Variants in RYR1 observed in about 807,000 individuals in gnomAD.
RYR1 encodes the protein ryanodine receptor 1, also known as central core disease of muscle.
RYR1 carries 342 observed loss-of-function variants against 583.5 expected under a neutral mutation model. The observed-to-expected ratio is 0.59, with a 90% CI of 0.54 to 0.64. The LOEUF (loss-of-function observed/expected upper bound fraction) is 0.64, where lower values mean the gene tolerates loss of function less well. Ranked by LOEUF, RYR1 falls within the 30% of genes least tolerant of loss-of-function variation. The pLI is 0.00. For synonymous variants in RYR1, 2,791 were observed against 2,822.5 expected (o/e 0.99, Z 0.35); for missense variants, 6,032 against 6,917.2 (o/e 0.87, Z 4.54).
At position 38,463,863 on chromosome 19, in the gene RYR1, G is replaced by A; in HGVS notation, c.2786+13G>A. 1 of 1,608,350 alleles carries A rather than the reference G, an allele frequency of 6.2e-7. No individual in the cohort carries two copies. The highest frequency in any genetic ancestry group is 1.7e-4 in the Middle Eastern group (1 of 6,034). On this transcript the variant is annotated intron_variant, in intron 22 of 105. Transcript: ENST00000359596. Reference sequence around the variant, plus strand: ...GGGAGACGCTCAAGTGAGGGCCCAGGGGAGCCGGGGGTTGGGGCTGGCTGC... The same window carrying A: ...GGGAGACGCTCAAGTGAGGGCCCAGAGGAGCCGGGGGTTGGGGCTGGCTGC...
At chr19:38,539,698 A>G (rs925007004) in intron 84 of RYR1, among the ~76,000 whole-genome samples, 3 of 152,180 alleles carry the variant, frequency 2.0e-5, no homozygotes, top group Non-Finnish European at 4.4e-5. Flanking sequence ...CCTCGCCTAA[A>G]TTCATGACCT....
intron 89 of RYR1, among the ~76,000 whole-genome samples, chr19:38,551,044 T>C (rs1237776378): frequency 2.4e-5 from 2 of 84,502 alleles, no homozygotes; most frequent in African/African-American, 1.4e-4. Context: ...TTTTTTTTTT[T>C]TTTTTTTTTT....
intron 56 of RYR1, 136 bp downstream of exon 56, chr19:38,506,682 A>G (rs1276067420): frequency 6.7e-6 from 10 of 1,482,926 alleles, no homozygotes; most frequent in Non-Finnish European, 9.3e-6. Context: ...CCATGGGGTA[A>G]TGAGATGAGC....
chr19:38,585,710 TCACCTCAGATGATCCGCC>T (rs1377116641), intron 102 of RYR1, among the ~76,000 whole-genome samples: 15 of 152,004 alleles, frequency 9.9e-5, no homozygotes, highest in Admixed American at 9.9e-4. Flanking sequence ...CTTGAACTCC[TCACCTCAGATGATCCGCC>T]CACCTCAGCC....
intron 78 of RYR1, 40 bp downstream of exon 78, chr19:38,532,776 G>C: frequency 6.3e-7 from 1 of 1,589,922 alleles, no homozygotes; most frequent in South Asian, 1.1e-5. Flanking sequence ...AGGGATGGGG[G>C]ACCCTGACTG....
intron 38 of RYR1, among the ~76,000 whole-genome samples, chr19:38,493,463 G>A (rs887345926): frequency 2.6e-5 from 4 of 152,042 alleles, no homozygotes; most frequent in African/African-American, 9.7e-5. Flanking sequence ...ACAGCCGAGG[G>A]GGGAAAGTCA....
chr19:38,570,742 G>A, intron 94 of RYR1, 49 bp downstream of exon 94: 1 of 1,443,900 alleles, frequency 6.9e-7, no homozygotes, highest in Non-Finnish European at 9.7e-7. Flanking sequence ...CCATGCTGTG[G>A]GATGGGAGGC....
intron 28 of RYR1, 120 bp from the exon 29 acceptor site, chr19:38,475,198 G>A: frequency 7.3e-7 from 1 of 1,371,480 alleles, no homozygotes; most frequent in Non-Finnish European, 1.0e-6. Flanking sequence ...GCCCTCTAGA[G>A]GCAAGACCTG....
chr19:38,528,391 G>C lies in RYR1; in HGVS notation c.10910G>C (p.Arg3637Pro), dbSNP rs747528384. The C allele has an allele frequency of 6.2e-7, 1 of 1,614,142 alleles. No individual in the cohort carries two copies. The highest frequency in any genetic ancestry group is 8.5e-7 in the Non-Finnish European group (1 of 1,180,026). ...QRRRAVVACFRMTPLYNLPTH... is the reference protein window; with the variant it reads ...QRRRAVVACFPMTPLYNLPTH... The stretch of plus-strand genomic sequence containing the variant: ...CGGCGGGCAGTCGTGGCCTGTTTCC[G>C]TATGACGCCCCTGTACAACCTGCCC... Residue 3637 changes from arginine (R) to proline (P), a missense_variant, in exon 74 of 106, where the codon CGT becomes CCT. Coordinates refer to ENST00000359596, the MANE Select transcript of RYR1 (RefSeq NM_000540.3).
chr19:38,496,272 C>A lies in RYR1; in HGVS notation c.6606C>A (p.Gly2202=), dbSNP rs1282858078. The A allele has an allele frequency of 2.5e-6, 4 of 1,613,988 alleles. No individual in the cohort carries two copies. In the Admixed American group the frequency reaches 6.7e-5, roughly 27 times the overall value. Residue 2202 remains glycine (G), a synonymous_variant, in exon 40 of 106, where the codon GGC becomes GGA. Transcript: ENST00000359596. The surrounding 1 kb of genome is among the most constrained non-coding windows in gnomAD (Gnocchi z 4.8). ...ACCCGAACCTGATGAGGGCGCTGGG[C>A]ATGCACGAGACGGTCATGGAGGTCA... The part of the protein sequence containing the change: ...YQHPNLMRAL[G]MHETVMEVMV...
chr19:38,494,741 T>C lies in RYR1; in HGVS notation c.6548+116T>C. ...GCCCATCCTCTGGGTGATCTCAGTC[T>C]CTCGATGGCTAGCTCACCTCCTGGG... On this transcript the variant is annotated intron_variant, in intron 39 of 105. Transcript: ENST00000359596. 6 of 1,310,590 alleles carry C rather than the reference T, an allele frequency of 4.6e-6. No individual in the cohort carries two copies. In the South Asian group the frequency reaches 6.1e-5, roughly 13 times the overall value. The allele number at this position is 1,310,590 out of a possible 1,614,324, so 81.2% of individuals were successfully genotyped here. A position where few individuals can be genotyped will look rare whatever the true frequency, so the allele number is the denominator to read the frequency against.
At chr19:38,473,225 C>A in intron 27 of RYR1, 152 bp from the exon 28 acceptor site, 1 of 984,770 alleles carries the variant, frequency 1.0e-6, no homozygotes, top group Non-Finnish European at 1.6e-6. Flanking sequence ...CGGCCGGGAG[C>A]TTCATCCCCC....
chr19:38,561,298 C>T lies in RYR1; in HGVS notation c.12468C>T (p.Asp4156=), dbSNP rs751313724. 6 of 1,613,918 alleles carry T rather than the reference C, an allele frequency of 3.7e-6. No homozygotes were observed. In the South Asian group the frequency reaches 5.5e-5, roughly 15 times the overall value. The part of the protein sequence containing the change: ...LTNLSEHVPH[D]PRLHNFLELA... ...ACCTGTCGGAGCATGTGCCGCATGA[C>T]CCTCGCCTGCACAACTTCCTGGAGC... The change falls in exon 90 of 106, where the codon GAC becomes GAT. Residue 4156 remains aspartate, a synonymous_variant. Transcript: ENST00000359596. This position sits in a 1 kb window ranked among gnomAD's most constrained non-coding sequence, Gnocchi z 4.8.
Position 38,444,005 on chromosome 19 carries a change from G to A in RYR1, c.425-144G>A. Reference sequence around the variant, plus strand: ...CAGAGAGTCTGAAGTCAGGAACGGGGAACTGTTAGGCAGAGAGTTGGTGGC... The same window carrying A: ...CAGAGAGTCTGAAGTCAGGAACGGGAAACTGTTAGGCAGAGAGTTGGTGGC... On this transcript the variant is annotated intron_variant, in intron 5 of 105. Coordinates refer to ENST00000359596, the MANE Select transcript of RYR1 (RefSeq NM_000540.3). The surrounding 1 kb of genome is among the most constrained non-coding windows in gnomAD (Gnocchi z 5.1). The A allele has an allele frequency of 3.6e-6, 3 of 828,428 alleles. No homozygotes were observed. The South Asian group carries it at 4.2e-5, about 12-fold the overall frequency. 51.3% of individuals were successfully genotyped at this position (828,428 alleles called of 1,614,324 possible). A position where few individuals can be genotyped will look rare whatever the true frequency, so the allele number is the denominator to read the frequency against.
chr19:38,443,412 G>A (rs751398207), intron 3 of RYR1, 146 bp from the exon 4 acceptor site: 65 of 704,048 alleles, frequency 9.2e-5, no homozygotes, highest in Middle Eastern at 7.4e-4. Flanking sequence ...AGTCCTGCAG[G>A]AGTCTGAGCT....
chr19:38,586,344 C>T lies in RYR1; in HGVS notation c.14969+153C>T, dbSNP rs138384735. ...CAATCAGAAGGTAAGGGTGGGGCCC[C>T]GCAAGATGGTTCACACCTGTAAGCC... is the stretch of plus-strand genomic sequence containing the variant. On this transcript the variant is annotated intron_variant, in intron 104 of 105. Transcript: ENST00000359596. Among the ~76,000 whole-genome samples the T allele has an allele frequency of 5.3e-5, 8 of 152,128 alleles. No individual in the cohort carries two copies. In the East Asian group the frequency reaches 9.7e-4, roughly 18 times the overall value.
intron 13 of RYR1, among the ~76,000 whole-genome samples, chr19:38,454,999 T>C (rs1967288427): frequency 6.6e-6 from 1 of 151,948 alleles, no homozygotes; most frequent in Admixed American, 6.6e-5. Flanking sequence ...TGAATTATCA[T>C]AGACTGAATC....
Position 38,543,481 on chromosome 19 carries a change from A to G in RYR1, c.11778+46A>G. 1 of 1,614,186 alleles carries G rather than the reference A, an allele frequency of 6.2e-7. No homozygotes were observed. Among genetic ancestry groups the G allele is most frequent in the Non-Finnish European group, 8.5e-7 (1 of 1,180,006 alleles). On this transcript the variant is annotated intron_variant, in intron 85 of 105. Coordinates refer to ENST00000359596, the MANE Select transcript of RYR1 (RefSeq NM_000540.3). This position sits in a 1 kb window ranked among gnomAD's most constrained non-coding sequence, Gnocchi z 4.4. ...AGGTGTGACTTGGGTCGGGGGCTGC[A>G]GGGCCATGGTCGGCCCCAGCACCCC...
Position 38,561,094 on chromosome 19 carries a change from CCT to C in RYR1, c.12283-17_12283-16del. 6.2e-7 allele frequency: 1 copy of C among 1,611,242 alleles called. No homozygotes were observed. The highest frequency in any genetic ancestry group is 8.5e-7 in the Non-Finnish European group (1 of 1,177,588). On this transcript the variant is annotated splice_polypyrimidine_tract_variant and intron_variant, in intron 89 of 105. Transcript: ENST00000359596. This position sits in a 1 kb window ranked among gnomAD's most constrained non-coding sequence, Gnocchi z 4.8. Reference sequence around the variant, plus strand: ...GAGGCTCTCCAGGTCACCCCACTGACCTCCCTGCCCGCCCCCAGGCCATGGAC... The same window carrying C: ...GAGGCTCTCCAGGTCACCCCACTGACCCCTGCCCGCCCCCAGGCCATGGAC...
Sources: allele counts gnomAD v4.1 joint callset (sites outside exome capture counted in the v4.1 genomes callset), GRCh38; gene constraint gnomAD v4.1.1; non-coding constraint Gnocchi (gnomAD v3.1); transcripts MANE v1.5; gene names NCBI Gene and HGNC (gene_info 2026-07-23, HGNC 2026-07-21).